The following CDK5RAP2 variants were observed in gnomAD, a reference collection of about 807,000 sequenced individuals.
CDK5RAP2 encodes CDK5 regulatory subunit associated protein 2, also known as CDK5 regulatory subunit-associated protein 2.
In CDK5RAP2, 147 loss-of-function variants were observed where a neutral mutation model predicts 232.9. The observed-to-expected ratio is 0.63, with a 90% CI of 0.55 to 0.72. CDK5RAP2 has a LOEUF of 0.72. CDK5RAP2 is among the 30% of genes least tolerant of loss of function. CDK5RAP2 has a pLI of 0.00. For missense variants in CDK5RAP2, 2,195 were observed against 2,231.5 expected, an observed-to-expected ratio of 0.98 and a Z score of 0.33; for synonymous variants, 833 against 833.7, an observed-to-expected ratio of 1.00 and a Z score of 0.01.
chr9:120,403,810 C>G lies in CDK5RAP2; in HGVS notation c.5041+226G>C, dbSNP rs980328408. On this transcript the variant is annotated intron_variant, in intron 33 of 37. Transcript: ENST00000349780. The surrounding 1 kb of genome is among the most constrained non-coding windows in gnomAD (Gnocchi z 4.2). ...TCACAAAGGTGGTCACAATTTTAAT[C>G]TAAGGCAAGAGGGACCCAATGATGT... is the stretch of plus-strand genomic sequence containing the variant. 7.0e-6 allele frequency: 4 copies of G among 574,038 alleles called. No individual in the cohort carries two copies. The highest frequency in any genetic ancestry group is 1.2e-5 in the Non-Finnish European group (4 of 320,626). 35.6% of individuals were successfully genotyped at this position (574,038 alleles called of 1,614,324 possible). A position where few individuals can be genotyped will look rare whatever the true frequency, so the allele number is the denominator to read the frequency against.
chr9:120,539,020 C>T (rs762375154), intron 6 of CDK5RAP2, 21 bp downstream of exon 6: 1 of 1,613,230 alleles, frequency 6.2e-7, no homozygotes, highest in South Asian at 1.1e-5. Flanking sequence ...AATACACTGC[C>T]CTCAGGATTT....
intron 20 of CDK5RAP2, 28 bp from the exon 21 acceptor site, chr9:120,453,901 G>A (rs572821353): frequency 6.2e-7 from 1 of 1,612,384 alleles, no homozygotes; most frequent in Non-Finnish European, 8.5e-7. Flanking sequence ...AAGGAAGTGG[G>A]AGAACCAAGC....
intron 12 of CDK5RAP2, among the ~76,000 whole-genome samples, chr9:120,505,206 C>T (rs894442945): frequency 1.3e-5 from 2 of 152,066 alleles, no homozygotes; most frequent in Non-Finnish European, 2.9e-5. Context: ...GTCTCTGTGT[C>T]GCCTTTTGGT....
rs1209950265 is a variant in CDK5RAP2 at position 120,447,938 on chromosome 9, T to C, written c.2982A>G (p.Ala994=). Residue 994 remains alanine, a synonymous_variant, in exon 22 of 38, where the codon GCA becomes GCG. Transcript: ENST00000349780. ...CGGGCGTTGGCCTCCCCTCCATCAC[T>C]GCTTCAGCCAGAATTAACTTTTGGT... ...QLHQKLILAE[A]VMEGRPTPDK... 1 of 1,614,202 alleles carries C rather than the reference T, an allele frequency of 6.2e-7. No homozygotes were observed. The highest frequency in any genetic ancestry group is 2.2e-5 in the East Asian group (1 of 44,884).
chr9:120,472,024 T>C (rs1428249237), intron 15 of CDK5RAP2, 146 bp from the exon 16 acceptor site: 3 of 1,010,986 alleles, frequency 3.0e-6, no homozygotes, highest in Non-Finnish European at 4.5e-6. Flanking sequence ...TAGAGAATTT[T>C]AAATACAACA....
intron 13 of CDK5RAP2, among the ~76,000 whole-genome samples, chr9:120,488,255 CACAA>C (rs2038716169): frequency 6.6e-6 from 1 of 152,012 alleles, no homozygotes; most frequent in Admixed American, 6.5e-5. Context: ...ATTAGGTGAA[CACAA>C]ACAAAAAAAT....
At chr9:120,472,139 T>G (rs769212433) in intron 15 of CDK5RAP2, among the ~76,000 whole-genome samples, 1 of 152,230 alleles carries the variant, frequency 6.6e-6, no homozygotes, top group Non-Finnish European at 1.5e-5. Context: ...ATGGCTGAAA[T>G]AATACTAGAC....
In CDK5RAP2 at chr9:120,402,826, T is replaced by G. The variant is rs764731630; in HGVS notation, c.5287A>C (p.Ser1763Arg). 1.2e-6 allele frequency: 2 copies of G among 1,614,102 alleles called. No individual in the cohort carries two copies. The highest frequency in any genetic ancestry group is 4.5e-5 in the East Asian group (2 of 44,882). Residue 1763 changes from serine to arginine, a missense_variant, in exon 34 of 38, where the codon AGT becomes CGT. Ser to Arg is a moderately radical substitution (Grantham distance 110). Transcript: ENST00000349780. ...GTTACCTTTGTTCCCAGCTCTTGAC[T>G]TGTGGAGCTGGGAGCCTCTTGGGTT... ...IQTQEAPSST[S>R]QELGTKGPHP...
At chr9:120,553,239 T>A (rs1243104543) in intron 3 of CDK5RAP2, among the ~76,000 whole-genome samples, 1 of 152,190 alleles carries the variant, frequency 6.6e-6, no homozygotes, top group African/African-American at 2.4e-5. Context: ...AACTATGATC[T>A]GTCAATTCAG....
chr9:120,575,846 A>G (rs1401246426), intron 1 of CDK5RAP2, among the ~76,000 whole-genome samples: 2 of 152,208 alleles, frequency 1.3e-5, no homozygotes, highest in Non-Finnish European at 2.9e-5. Context: ...ATCAAACAGT[A>G]TACATCATGC....
intron 14 of CDK5RAP2, 133 bp downstream of exon 14, chr9:120,487,161 T>C (rs2038655159): frequency 1.1e-6 from 1 of 926,210 alleles, no homozygotes; most frequent in Admixed American, 1.7e-5. Context: ...GAACTCCTCC[T>C]CCTACCTGTT....
intron 18 of CDK5RAP2, 67 bp downstream of exon 18, chr9:120,467,793 G>A (rs1315054903): frequency 8.3e-6 from 13 of 1,558,882 alleles, no homozygotes; most frequent in African/African-American, 1.4e-5. Context: ...TTACAGGCGT[G>A]AGCCACCATA....
At chr9:120,472,873 A>G (rs2037797099) in intron 15 of CDK5RAP2, among the ~76,000 whole-genome samples, 1 of 152,250 alleles carries the variant, frequency 6.6e-6, no homozygotes, top group Non-Finnish European at 1.5e-5. Flanking sequence ...TCTATTGAGC[A>G]CTTGAAATGT....
intron 3 of CDK5RAP2, among the ~76,000 whole-genome samples, chr9:120,559,553 C>T (rs998445700): frequency 4.2e-5 from 6 of 144,372 alleles, no homozygotes; most frequent in Non-Finnish European, 9.1e-5. Context: ...GTGTACTTTT[C>T]CCCTTAAGAG....
intron 34 of CDK5RAP2, among the ~76,000 whole-genome samples, chr9:120,401,292 G>C (rs1014902012): frequency 3.3e-5 from 5 of 152,026 alleles, no homozygotes; most frequent in African/African-American, 1.2e-4. Flanking sequence ...CTGCTGTAGT[G>C]AATATGATAT....
rs1191881878 is a variant in CDK5RAP2, at chr9:120,528,813, A to C, written c.826-16T>G. On this transcript the variant is annotated splice_polypyrimidine_tract_variant and intron_variant, in intron 8 of 37. Coordinates refer to ENST00000349780, the MANE Select transcript of CDK5RAP2 (RefSeq NM_018249.6). ...TTTGTGCAGCCTAAGAAAAGGCATT[A>C]ATTGGTGTGAAGAAGGGACGTGCAA... The C allele has an allele frequency of 3.7e-6, 6 of 1,600,706 alleles. No homozygotes were observed. The highest frequency in any genetic ancestry group is 5.1e-6 in the Non-Finnish European group (6 of 1,167,810).
intron 21 of CDK5RAP2, among the ~76,000 whole-genome samples, chr9:120,453,071 C>A (rs1369565270): frequency 1.3e-5 from 2 of 152,200 alleles, no homozygotes; most frequent in African/African-American, 4.8e-5. Flanking sequence ...TTTGGGACAT[C>A]TCCACAATGC....
chr9:120,530,670 T>C lies in CDK5RAP2; in HGVS notation c.663-530A>G, dbSNP rs1055988520. 3.3e-5 allele frequency among the ~76,000 whole-genome samples: 5 copies of C among 151,994 alleles called. No homozygotes were observed. The East Asian group carries it at 7.7e-4, about 23-fold the overall frequency. ...GGCACATATACACCATGGAATACTA[T>C]GCAGCCATAAAAAAGGATGAATTCA... is the stretch of plus-strand genomic sequence containing the variant. On this transcript the variant is annotated intron_variant, in intron 7 of 37. Coordinates refer to ENST00000349780, the MANE Select transcript of CDK5RAP2 (RefSeq NM_018249.6).
intron 2 of CDK5RAP2, among the ~76,000 whole-genome samples, chr9:120,570,967 G>C (rs1481012864): frequency 1.3e-5 from 2 of 152,180 alleles, no homozygotes; most frequent in African/African-American, 2.4e-5. Context: ...TTCGAGACCA[G>C]ACTGGGCAAC....
Sources: allele counts gnomAD v4.1 joint callset (sites outside exome capture counted in the v4.1 genomes callset), GRCh38; gene constraint gnomAD v4.1.1; non-coding constraint Gnocchi (gnomAD v3.1); transcripts MANE v1.5; gene names NCBI Gene and HGNC (gene_info 2026-07-23, HGNC 2026-07-21).